Variants in NDUFAF6 observed in about 807,000 individuals in gnomAD.
NDUFAF6 encodes the protein NADH:ubiquinone oxidoreductase complex assembly factor 6.
In NDUFAF6, 45 loss-of-function variants were observed where a neutral mutation model predicts 40.8. The ratio of observed to expected loss-of-function variants is 1.10; its 90% CI spans 0.87 to 1.42. The LOEUF (loss-of-function observed/expected upper bound fraction) is 1.42. Among genes scored for constraint, NDUFAF6 ranks in the 40% most tolerant of loss-of-function variants. The probability of loss-of-function intolerance (pLI) is 0.00; values close to 1 mark genes in which losing one functional copy is unlikely to be tolerated. For missense variants in NDUFAF6, 435 were observed against 418.5 expected, an observed-to-expected ratio of 1.04 and a Z score of -0.34; for synonymous variants, 185 against 155.9, an observed-to-expected ratio of 1.19 and a Z score of -1.39.
upstream of NDUFAF6, among the ~76,000 whole-genome samples, chr8:95,024,645 G>C (rs891978671): frequency 1.8e-4 from 27 of 152,240 alleles, no homozygotes; most frequent in African/African-American, 6.5e-4. Flanking sequence ...AAGGTGTTCT[G>C]TTCTCATGGT....
chr8:95,056,625 G>A (rs1019943355), intron 8 of NDUFAF6, among the ~76,000 whole-genome samples: 2 of 152,102 alleles, frequency 1.3e-5, no homozygotes, highest in Non-Finnish European at 2.9e-5. Context: ...AGTAGATAAT[G>A]GCCGGGTGCG....
At chr8:94,935,172 G>GATAGATAT (rs1167646491) in intron 1 of NDUFAF6, among the ~76,000 whole-genome samples, 1 of 151,454 alleles carries the variant, frequency 6.6e-6, no homozygotes, top group Non-Finnish European at 1.5e-5. Flanking sequence ...TAGATAGATA[G>GATAGATAT]ATATAATACA....
intron 1 of NDUFAF6, among the ~76,000 whole-genome samples, chr8:95,025,465 C>T (rs937149060): frequency 3.3e-5 from 5 of 152,168 alleles, no homozygotes; most frequent in African/African-American, 1.2e-4. Context: ...TAATTTTAGC[C>T]GAATTCAGCG....
upstream of NDUFAF6, among the ~76,000 whole-genome samples, chr8:95,099,370 A>C (rs1417631858): frequency 1.3e-5 from 2 of 149,532 alleles, no homozygotes; most frequent in African/African-American, 4.9e-5. Flanking sequence ...AAAAATGGCC[A>C]CTCTCATCTG....
chr8:95,047,807 C>G (rs112529587), intron 6 of NDUFAF6, among the ~76,000 whole-genome samples: 18,626 of 151,952 alleles, frequency 0.12, 1,224 homozygotes, highest in Middle Eastern at 0.23. Flanking sequence ...CTGCGCCCGG[C>G]GAGAACTTTG....
In NDUFAF6 at chr8:94,935,654, T is replaced by A. The variant is rs552696118; in HGVS notation, c.-935-9829T>A. On this transcript the variant is annotated intron_variant, in intron 1 of 14. Coordinates refer to the NDUFAF6 transcript ENST00000396113. ...AAATGGTCGGGGTGGTGAAGATAAA[T>A]TCCTGGGACTCCTTGGTATGGGAGC... Among the ~76,000 whole-genome samples the A allele has an allele frequency of 1.3e-5, 2 of 152,184 alleles. 1 individual carries two copies. Among genetic ancestry groups the A allele is most frequent in the South Asian group, 4.1e-4 (2 of 4,832 alleles).
At chr8:95,025,258 G>C (rs922205036) in intron 1 of NDUFAF6, 53 bp downstream of exon 1, 3 of 1,345,732 alleles carry the variant, frequency 2.2e-6, no homozygotes, top group Non-Finnish European at 2.8e-6. Flanking sequence ...CCCGGGGTGG[G>C]AGCGGCTGCG....
downstream of NDUFAF6, among the ~76,000 whole-genome samples, chr8:95,105,066 CAGAGAGAGAGAG>C (rs55705930): frequency 0.035 from 2,556 of 72,726 alleles, 45 homozygotes; most frequent in Middle Eastern, 0.057. Flanking sequence ...CACACACACA[CAGAGAGAGAGAG>C]AGAGAGAGAG....
At chr8:95,093,307 T>A (rs540646416) in intron 2 of NDUFAF6, among the ~76,000 whole-genome samples, 1 of 152,358 alleles carries the variant, frequency 6.6e-6, no homozygotes, top group South Asian at 2.1e-4. Context: ...AAACTTCTTA[T>A]CTGAGGAATG....
At chr8:95,025,239 A>T in intron 1 of NDUFAF6, 34 bp downstream of exon 1, 1 of 1,364,052 alleles carries the variant, frequency 7.3e-7, no homozygotes, top group Non-Finnish European at 9.4e-7. Context: ...GCGCGGCGGG[A>T]AGCGGGGTCC....
intron 2 of NDUFAF6, among the ~76,000 whole-genome samples, chr8:95,091,692 T>A (rs2132064422): frequency 6.6e-6 from 1 of 151,802 alleles, no homozygotes; most frequent in African/African-American, 2.4e-5. Context: ...CATGCTGGAG[T>A]GCAGTGGCGC....
intron 8 of NDUFAF6, among the ~76,000 whole-genome samples, chr8:95,053,299 T>C (rs1052985576): frequency 3.3e-5 from 5 of 152,248 alleles, no homozygotes; most frequent in African/African-American, 7.2e-5. Context: ...TGTCTGTTCA[T>C]CTTTCTGAAC....
At chr8:95,101,734 T>G (rs756434546) in intron 2 of NDUFAF6, among the ~76,000 whole-genome samples, 2 of 152,208 alleles carry the variant, frequency 1.3e-5, no homozygotes, top group African/African-American at 2.4e-5. Context: ...TTCATTCCCC[T>G]TTTGTGGCTT....
At position 95,041,596 on chromosome 8, in the gene NDUFAF6, A is replaced by G; in HGVS notation, c.447A>G (p.Lys149=). The change falls in exon 4 of 9, where the codon AAA becomes AAG. Residue 149 remains lysine, a synonymous_variant. Transcript: ENST00000396124. Reference sequence around the variant, plus strand: ...CTGTTAAAAGACATAATCTGACTAAAAGATGGCTTATGAAAATCGTCGATG... The same window carrying G: ...CTGTTAAAAGACATAATCTGACTAAGAGATGGCTTATGAAAATCGTCGATG... ...WKAVKRHNLT[K]RWLMKIVDER... 2 of 1,612,730 alleles carry G rather than the reference A, an allele frequency of 1.2e-6. No homozygotes were observed. Among genetic ancestry groups the G allele is most frequent in the Middle Eastern group, 1.7e-4 (1 of 6,054 alleles).
intron 1 of NDUFAF6, among the ~76,000 whole-genome samples, chr8:94,979,989 C>T (rs372399257): frequency 7.9e-5 from 12 of 151,824 alleles, no homozygotes; most frequent in African/African-American, 1.2e-4. Context: ...CCCAGCTACT[C>T]GGGAGGCTGA....
At chr8:95,113,899 C>A (rs1056954936) in intron 4 of NDUFAF6, among the ~76,000 whole-genome samples, 1 of 151,404 alleles carries the variant, frequency 6.6e-6, no homozygotes, top group Non-Finnish European at 1.5e-5. Context: ...AGTAAACTAT[C>A]GCAAGAACAA....
intron 1 of NDUFAF6, among the ~76,000 whole-genome samples, chr8:94,903,611 A>G (rs917518243): frequency 3.3e-5 from 5 of 152,234 alleles, no homozygotes; most frequent in African/African-American, 1.2e-4. Context: ...ATTTCAGGAC[A>G]GTGGCATCTT....
intron 2 of NDUFAF6, chr8:95,034,678 C>T (rs1829267986): frequency 6.6e-6 from 1 of 152,470 alleles, no homozygotes; most frequent in Non-Finnish European, 1.5e-5. Flanking sequence ...TCTGTGTCCT[C>T]TTCAGAGTCA....
At chr8:95,063,416 C>T (rs1446611454), downstream of NDUFAF6, among the ~76,000 whole-genome samples, 2 of 152,034 alleles carry the variant, frequency 1.3e-5, no homozygotes, top group Non-Finnish European at 2.9e-5. Flanking sequence ...CTGGCCAACA[C>T]GATGAAACCC....
Sources: allele counts gnomAD v4.1 joint callset (sites outside exome capture counted in the v4.1 genomes callset), GRCh38; gene constraint gnomAD v4.1.1; transcripts MANE v1.5; gene names NCBI Gene and HGNC (gene_info 2026-07-23, HGNC 2026-07-21).